RBFOX1: variants seen among roughly 807,000 people sequenced by gnomAD.
RBFOX1 encodes RNA binding fox-1 homolog 1, also known as RNA binding protein fox-1 homolog 1.
In RBFOX1, 8 loss-of-function variants were observed where a neutral mutation model predicts 57.7. The ratio of observed to expected loss-of-function variants is 0.14; its 90% CI spans 0.08 to 0.25. The LOEUF (loss-of-function observed/expected upper bound fraction) is 0.25. RBFOX1 is among the 10% of genes least tolerant of loss of function. The pLI is 1.00. For missense variants in RBFOX1, 611 were observed against 548.5 expected (o/e 1.11, Z -1.14); for synonymous variants, 326 against 222.4 (o/e 1.47, Z -4.15).
chr16:6,306,503 G>A (rs886775243), intron 1 of RBFOX1, among the ~76,000 whole-genome samples: 2 of 152,172 alleles, frequency 1.3e-5, no homozygotes, highest in Non-Finnish European at 2.9e-5. Flanking sequence ...TTTCTTCATG[G>A]ATGAAATCCT....
rs140248852 is a variant in RBFOX1 at position 5,649,325 on chromosome 16, A to G, written c.318+50364A>G. Among the ~76,000 whole-genome samples the G allele has an allele frequency of 9.8e-3, 1,487 of 151,914 alleles. 24 individuals are homozygous for G. The highest frequency in any genetic ancestry group is 0.034 in the African/African-American group (1,419 of 41,446). On this transcript the variant is annotated intron_variant, in intron 3 of 19. Coordinates refer to the RBFOX1 transcript ENST00000641259. Reference sequence around the variant, plus strand: ...CTGGGAACTACAGGCATGCGCCACTATGCCTGGCTAATTTTTATATTTTTA... The same window carrying G: ...CTGGGAACTACAGGCATGCGCCACTGTGCCTGGCTAATTTTTATATTTTTA...
chr16:6,767,914 CAATAAT>C (rs71408408), intron 3 of RBFOX1, among the ~76,000 whole-genome samples: 3,532 of 117,860 alleles, frequency 0.03, 74 homozygotes, highest in South Asian at 0.037. Flanking sequence ...GACTCTATCT[CAATAAT>C]AATAATAATA....
At chr16:6,467,412 T>C (rs2095074501) in intron 2 of RBFOX1, among the ~76,000 whole-genome samples, 1 of 152,194 alleles carries the variant, frequency 6.6e-6, no homozygotes, top group Admixed American at 6.6e-5. Flanking sequence ...TAATTATTTA[T>C]GTTACTGTTA....
intron 2 of RBFOX1, among the ~76,000 whole-genome samples, chr16:6,425,237 A>T (rs1363447475): frequency 6.6e-6 from 1 of 152,292 alleles, no homozygotes; most frequent in South Asian, 2.1e-4. Context: ...GCAGACAGGA[A>T]GGAGAGTATG....
intron 1 of RBFOX1, among the ~76,000 whole-genome samples, chr16:6,296,793 A>G (rs1210183243): frequency 6.6e-6 from 1 of 152,194 alleles, no homozygotes; most frequent in Non-Finnish European, 1.5e-5. Context: ...TACTTGCCAG[A>G]GGAAGTCCAT....
chr16:6,492,385 T>C (rs950825986), intron 2 of RBFOX1, among the ~76,000 whole-genome samples: 14 of 152,080 alleles, frequency 9.2e-5, no homozygotes, highest in Admixed American at 7.9e-4. Context: ...CTGGCCAACA[T>C]AGTGGAACCT....
At position 7,287,827 on chromosome 16, in the gene RBFOX1, A is replaced by G. The variant is rs73557991; in HGVS notation, c.28-230320A>G. 7.5e-3 allele frequency among the ~76,000 whole-genome samples: 1,144 copies of G among 152,308 alleles called. 12 individuals carry two copies. The highest frequency in any genetic ancestry group is 0.025 in the African/African-American group (1,047 of 41,556). ...TTTTACATATATGGGGTATTACCCA[A>G]TAATTATGGATTTGCATATTACCTT... On this transcript the variant is annotated intron_variant, in intron 4 of 15. Coordinates refer to ENST00000550418, the MANE Select transcript of RBFOX1 (RefSeq NM_018723.4).
intron 1 of RBFOX1, among the ~76,000 whole-genome samples, chr16:6,072,923 A>C (rs1048344189): frequency 2.0e-5 from 3 of 152,298 alleles, no homozygotes; most frequent in Admixed American, 6.5e-5. Context: ...CTTATGCCCA[A>C]GCTCATCAAA....
intron 2 of RBFOX1, among the ~76,000 whole-genome samples, chr16:5,578,674 C>T (rs919886709): frequency 1.1e-4 from 17 of 151,958 alleles, no homozygotes; most frequent in Admixed American, 5.2e-4. Flanking sequence ...TCAAGGTTCT[C>T]GGCAAAAATG....
chr16:7,691,477 A>T (rs2077320603), intron 14 of RBFOX1, among the ~76,000 whole-genome samples: 1 of 152,064 alleles, frequency 6.6e-6, no homozygotes, highest in African/African-American at 2.4e-5. Flanking sequence ...GTAGGAGAGG[A>T]AAAGAGGAAG....
At chr16:5,888,664 A>G (rs1309039722) in intron 4 of RBFOX1, among the ~76,000 whole-genome samples, 1 of 152,018 alleles carries the variant, frequency 6.6e-6, no homozygotes, top group African/African-American at 2.4e-5. Flanking sequence ...GTGTGGTGGC[A>G]CATGCCTGTA....
chr16:7,019,994 C>G (rs77076699), intron 3 of RBFOX1, among the ~76,000 whole-genome samples: 3 of 124,306 alleles, frequency 2.4e-5, no homozygotes, highest in East Asian at 4.5e-4. Context: ...TTTTTTTTTT[C>G]TCTGATGAAG....
intron 3 of RBFOX1, among the ~76,000 whole-genome samples, chr16:6,864,247 A>G (rs962476146): frequency 1.3e-5 from 2 of 152,106 alleles, no homozygotes; most frequent in African/African-American, 2.4e-5. Flanking sequence ...CTCAAAGCAT[A>G]ACTCTTCCAC....
At chr16:7,404,015 C>G (rs1318513476) in intron 4 of RBFOX1, among the ~76,000 whole-genome samples, 1 of 87,898 alleles carries the variant, frequency 1.1e-5, no homozygotes, top group African/African-American at 3.7e-5. Flanking sequence ...AGTGCATATC[C>G]TGATTTCATT....
At chr16:7,108,927 C>G (rs965761502) in intron 4 of RBFOX1, among the ~76,000 whole-genome samples, 2 of 152,118 alleles carry the variant, frequency 1.3e-5, no homozygotes, top group Admixed American at 6.6e-5. Flanking sequence ...TGACATTCAA[C>G]AAACTCAGAC....
intron 4 of RBFOX1, among the ~76,000 whole-genome samples, chr16:7,134,473 A>G (rs529452453): frequency 1.3e-5 from 2 of 152,104 alleles, no homozygotes; most frequent in South Asian, 4.2e-4. Flanking sequence ...TCCAGTTTGG[A>G]CTCACAGTCA....
chr16:6,458,704 A>G (rs17140279), intron 2 of RBFOX1, among the ~76,000 whole-genome samples: 1,903 of 152,354 alleles, frequency 0.012, 37 homozygotes, highest in African/African-American at 0.043. Context: ...GGCCAGTGCT[A>G]TGCTCATTTG....
intron 2 of RBFOX1, among the ~76,000 whole-genome samples, chr16:5,592,452 C>T (rs1449597612): frequency 1.3e-5 from 2 of 149,246 alleles, no homozygotes; most frequent in African/African-American, 2.5e-5. Context: ...AGTCTTGCTT[C>T]ATCGTCCAGG....
intron 3 of RBFOX1, among the ~76,000 whole-genome samples, chr16:6,669,065 G>T (rs1041419856): frequency 3.5e-4 from 53 of 152,156 alleles, no homozygotes; most frequent in African/African-American, 1.3e-3. Context: ...TAGATAGAAA[G>T]CATGCCCTAT....
Sources: gnomAD v4.1 joint callset for allele counts (sites outside exome capture counted in the v4.1 genomes callset) on GRCh38, gnomAD v4.1.1 for gene constraint, MANE v1.5 for transcripts, NCBI Gene and HGNC (gene_info 2026-07-23, HGNC 2026-07-21) for gene names.